The following PARP11 variants were observed in gnomAD, a reference collection of about 807,000 sequenced individuals.
The protein encoded by PARP11 is protein mono-ADP-ribosyltransferase PARP11.
In PARP11, 31 loss-of-function variants were observed where a neutral mutation model predicts 42.9. That is an observed-to-expected ratio of 0.72 (90% CI 0.54 to 0.98). The LOEUF (loss-of-function observed/expected upper bound fraction) is 0.98, where lower values mean the gene tolerates loss of function less well. Among genes scored for constraint, PARP11 ranks in the 50% least tolerant of loss-of-function variants. The probability of loss-of-function intolerance (pLI) is 0.00; values close to 1 mark genes in which losing one functional copy is unlikely to be tolerated. For missense variants in PARP11, 365 were observed against 413.1 expected (o/e 0.88, Z 1.01); for synonymous variants, 137 against 127.3 (o/e 1.08, Z -0.51).
intron 1 of PARP11, among the ~76,000 whole-genome samples, chr12:3,867,978 A>G (rs1948419417): frequency 6.6e-6 from 1 of 152,214 alleles, no homozygotes; most frequent in Non-Finnish European, 1.5e-5. Context: ...AGCAAACACA[A>G]GTTGCAATTC....
At chr12:3,823,632 C>G (rs1947452196) in intron 4 of PARP11, among the ~76,000 whole-genome samples, 1 of 152,140 alleles carries the variant, frequency 6.6e-6, no homozygotes, top group Non-Finnish European at 1.5e-5. Context: ...ATTAAGAAAG[C>G]TGGCTGGGCG....
rs936099452 is a variant in PARP11 at position 3,810,834 on chromosome 12, AGAGAAGAGAAG to A, written c.*1278_*1288del. 3 of 152,038 alleles carry A rather than the reference AGAGAAGAGAAG, an allele frequency of 2.0e-5. No individual in the cohort carries two copies. Among genetic ancestry groups the A allele is most frequent in the African/African-American group, 7.3e-5 (3 of 41,312 alleles). 9.4% of individuals were successfully genotyped at this position (152,038 alleles called of 1,614,324 possible). On this transcript the variant is annotated 3_prime_UTR_variant, in exon 8 of 8. Coordinates refer to ENST00000228820, the MANE Select transcript of PARP11 (RefSeq NM_020367.6). ...AGAGAAAGAAGAGAAGAGAAAGAGG[AGAGAAGAGAAG>A]GAGGAGAGAAGAGGAGAAAAGGAAG...
chr12:3,829,516 T>C (rs933793759), intron 2 of PARP11, among the ~76,000 whole-genome samples: 5 of 152,232 alleles, frequency 3.3e-5, no homozygotes, highest in African/African-American at 1.2e-4. Flanking sequence ...TCCAAGTTAC[T>C]GTGAGGATAA....
At position 3,809,190 on chromosome 12, in the gene PARP11, G is replaced by A. The variant is rs1778232660; in HGVS notation, c.*2933C>T. On this transcript the variant is annotated 3_prime_UTR_variant, in exon 8 of 8. Coordinates refer to ENST00000228820, the MANE Select transcript of PARP11 (RefSeq NM_020367.6). ...ATGATAACAGGAAAAGATGGCAAAT[G>A]GTTGTGTCCAGTATTATTATATACT... is the stretch of plus-strand genomic sequence containing the variant. The A allele has an allele frequency of 6.6e-6, 1 of 152,014 alleles. No homozygotes were observed. The highest frequency in any genetic ancestry group is 1.5e-5 in the Non-Finnish European group (1 of 67,990). 9.4% of individuals were successfully genotyped at this position (152,014 alleles called of 1,614,324 possible).
chr12:3,840,863 C>G lies in PARP11; in HGVS notation c.19-10845G>C, dbSNP rs1947872318. On this transcript the variant is annotated intron_variant, in intron 1 of 7. Coordinates refer to ENST00000228820, the MANE Select transcript of PARP11 (RefSeq NM_020367.6). This position sits in a 1 kb window ranked among gnomAD's most constrained non-coding sequence, Gnocchi z 4.4. Reference sequence around the variant, plus strand: ...CCTTCTCCTGCAGAACAAAAGCCAGCAGAACATGTGTCTTTGTCAAATCCA... The same window carrying G: ...CCTTCTCCTGCAGAACAAAAGCCAGGAGAACATGTGTCTTTGTCAAATCCA... 6.3e-7 allele frequency: 1 copy of G among 1,598,500 alleles called. No individual in the cohort carries two copies.
chr12:3,823,931 A>T (rs77027508), intron 4 of PARP11, among the ~76,000 whole-genome samples: 5 of 150,906 alleles, frequency 3.3e-5, no homozygotes, highest in Admixed American at 2.7e-4. Context: ...AAAAAAAAAA[A>T]TGCTACAGGA....
intron 1 of PARP11, among the ~76,000 whole-genome samples, chr12:3,869,948 T>C (rs1390396685): frequency 1.3e-5 from 2 of 152,126 alleles, no homozygotes; most frequent in African/African-American, 4.8e-5. Flanking sequence ...AGCAGGCAGG[T>C]AGAGTATATG....
chr12:3,828,235 C>T (rs1202644547), intron 3 of PARP11, among the ~76,000 whole-genome samples: 1 of 152,146 alleles, frequency 6.6e-6, no homozygotes, highest in African/African-American at 2.4e-5. Context: ...TCTCACTTAA[C>T]ATCTGTTTGA....
chr12:3,814,316 G>T, intron 6 of PARP11, 128 bp from the exon 7 acceptor site: 1 of 642,434 alleles, frequency 1.6e-6, no homozygotes. Flanking sequence ...AATAACAAGT[G>T]GACAAAGCAA....
intron 1 of PARP11, among the ~76,000 whole-genome samples, chr12:3,834,964 G>A (rs368450062): frequency 2.6e-5 from 4 of 152,062 alleles, no homozygotes; most frequent in African/African-American, 9.7e-5. Context: ...CAAACACGAC[G>A]TAACAGAAGC....
chr12:3,839,364 C>G (rs1322186838), intron 1 of PARP11: 2 of 1,540,282 alleles, frequency 1.3e-6, no homozygotes, highest in East Asian at 2.4e-5. Flanking sequence ...CCCGCGAGGA[C>G]GCGACGCCCA....
intron 1 of PARP11, among the ~76,000 whole-genome samples, chr12:3,867,158 C>A (rs537422289): frequency 6.6e-6 from 1 of 152,070 alleles, no homozygotes; most frequent in Non-Finnish European, 1.5e-5. Flanking sequence ...ATGAAGTATA[C>A]AAATAGCAAA....
intron 1 of PARP11, among the ~76,000 whole-genome samples, chr12:3,844,452 C>G (rs1467250416): frequency 6.6e-6 from 1 of 152,112 alleles, no homozygotes; most frequent in African/African-American, 2.4e-5. Context: ...ACTAGCTTAC[C>G]TGATTTTAAT....
chr12:3,828,034 AT>A (rs944674003), intron 3 of PARP11, among the ~76,000 whole-genome samples: 3 of 152,220 alleles, frequency 2.0e-5, no homozygotes, highest in African/African-American at 7.2e-5. Context: ...AAACATGCCC[AT>A]ATAACACAGA....
chr12:3,861,987 T>G lies in PARP11; in HGVS notation c.18+11225A>C, dbSNP rs1478651371. On this transcript the variant is annotated intron_variant, in intron 1 of 7. Transcript: ENST00000228820. The surrounding 1 kb of genome is among the most constrained non-coding windows in gnomAD (Gnocchi z 4.6). ...TTGCAGTAGGATGAGATAGCACCACTGCACTCCAACCTGGTTGATGGAGCG... is the reference window on the plus strand; with the variant it reads ...TTGCAGTAGGATGAGATAGCACCACGGCACTCCAACCTGGTTGATGGAGCG... Among the ~76,000 whole-genome samples, 2 of 152,092 alleles carry G rather than the reference T, an allele frequency of 1.3e-5. No homozygotes were observed. Among genetic ancestry groups the G allele is most frequent in the East Asian group, 1.9e-4 (1 of 5,188 alleles).
chr12:3,825,074 G>T lies in PARP11; in HGVS notation c.344+1084C>A, dbSNP rs145781826. Among the ~76,000 whole-genome samples, 525 of 149,174 alleles carry T rather than the reference G, an allele frequency of 3.5e-3. 4 individuals are homozygous for T. Among genetic ancestry groups the T allele is most frequent in the African/African-American group, 0.012 (494 of 40,872 alleles). ...ATCCTTTCAAAAATCTCCTTGGAAG[G>T]AGCAAATAGGCATTCCCTGCAATTA... On this transcript the variant is annotated intron_variant, in intron 4 of 7. Coordinates refer to ENST00000228820, the MANE Select transcript of PARP11 (RefSeq NM_020367.6).
chr12:3,873,378 C>CACAAGCCAGCGTTTACAG lies in PARP11; in HGVS notation c.-167_-150dup. 1.4e-6 allele frequency: 1 copy of CACAAGCCAGCGTTTACAG among 729,532 alleles called. No homozygotes were observed. Among genetic ancestry groups the CACAAGCCAGCGTTTACAG allele is most frequent in the Non-Finnish European group, 2.4e-6 (1 of 421,600 alleles). 45.2% of individuals were successfully genotyped at this position (729,532 alleles called of 1,614,324 possible). ...AGGCCTTCCTCCTCCCCCTCCCTGT[C>CACAAGCCAGCGTTTACAG]ACAAGCCAGCGTTTACAGACCACCC... On this transcript the variant is annotated 5_prime_UTR_variant, in exon 1 of 8. Coordinates refer to ENST00000228820, the MANE Select transcript of PARP11 (RefSeq NM_020367.6).
At position 3,826,233 on chromosome 12, in the gene PARP11, T is replaced by G; in HGVS notation, c.269A>C (p.Glu90Ala). The change falls in exon 4 of 8, where the codon GAA (glutamate) becomes GCA (alanine). Residue 90 changes from glutamate (E) to alanine (A), a missense_variant and splice_region_variant. Glu to Ala is a moderately radical substitution (Grantham distance 107, BLOSUM62 -1). Coordinates refer to ENST00000228820, the MANE Select transcript of PARP11 (RefSeq NM_020367.6). ...AGTGGTGAGATTCATTTGCTTCATT[T>G]CTGTATACAAAGACAAGATATTAGA... ...SKFSYKIDFA[E>A]MKQMNLTTGK... 6.3e-7 allele frequency: 1 copy of G among 1,584,168 alleles called. No homozygotes were observed. The highest frequency in any genetic ancestry group is 8.5e-7 in the Non-Finnish European group (1 of 1,170,038).
intron 6 of PARP11, among the ~76,000 whole-genome samples, chr12:3,820,524 C>G (rs919344433): frequency 6.6e-6 from 1 of 152,144 alleles, no homozygotes; most frequent in Non-Finnish European, 1.5e-5. Flanking sequence ...CATTGGAATT[C>G]TTAGTATAAA....
Sources: allele counts gnomAD v4.1 joint callset (sites outside exome capture counted in the v4.1 genomes callset), GRCh38; gene constraint gnomAD v4.1.1; non-coding constraint Gnocchi (gnomAD v3.1); transcripts MANE v1.5; gene names NCBI Gene and HGNC (gene_info 2026-07-23, HGNC 2026-07-21).